Variants in ADK observed in about 807,000 individuals in gnomAD.
ADK encodes adenosine kinase, also known as N6,N6-dimethyladenosine kinase.
Under a neutral mutation model 44.7 loss-of-function variants are expected in ADK, and 24 were observed. The observed-to-expected ratio is 0.54, with a 90% confidence interval of 0.39 to 0.76. The LOEUF is 0.76. Among genes scored for constraint, ADK ranks in the 30% least tolerant of loss-of-function variants. The pLI is 0.00. For missense variants in ADK, 321 were observed against 425.1 expected, an observed-to-expected ratio of 0.76 and a Z score of 2.15; for synonymous variants, 128 against 142.6, an observed-to-expected ratio of 0.90 and a Z score of 0.73.
intron 1 of ADK, among the ~76,000 whole-genome samples, chr10:74,184,203 C>G (rs1026847697): frequency 6.6e-6 from 1 of 152,214 alleles, no homozygotes; most frequent in African/African-American, 2.4e-5. Context: ...CAGGTGTGAG[C>G]CACTGTGCCC....
At chr10:74,410,040 C>T (rs1844112746) in intron 6 of ADK, among the ~76,000 whole-genome samples, 1 of 152,096 alleles carries the variant, frequency 6.6e-6, no homozygotes, top group Non-Finnish European at 1.5e-5. Flanking sequence ...TAAGAAATCT[C>T]ATCTAAGAAA....
At chr10:74,203,951 CTTTTTTT>C (rs760810639) in intron 2 of ADK, among the ~76,000 whole-genome samples, 5 of 95,832 alleles carry the variant, frequency 5.2e-5, no homozygotes, top group Non-Finnish European at 6.2e-5. Flanking sequence ...TTATTTAGGT[CTTTTTTT>C]TTTTTTTTTT....
At chr10:74,291,920 C>T (rs1410435629) in intron 3 of ADK, among the ~76,000 whole-genome samples, 1 of 152,022 alleles carries the variant, frequency 6.6e-6, no homozygotes, top group South Asian at 2.1e-4. Context: ...AAAAGTGTAT[C>T]ATATTGTAAA....
intron 9 of ADK, among the ~76,000 whole-genome samples, chr10:74,632,399 T>C (rs1853473063): frequency 6.6e-6 from 1 of 152,206 alleles, no homozygotes; most frequent in Non-Finnish European, 1.5e-5. Flanking sequence ...AAATTTATTA[T>C]TTCACAGTTC....
At chr10:74,698,631 C>A (rs1248708639) in intron 10 of ADK, among the ~76,000 whole-genome samples, 3 of 152,200 alleles carry the variant, frequency 2.0e-5, no homozygotes, top group Non-Finnish European at 2.9e-5. Context: ...TGGCTCACTG[C>A]AGCCACAACC....
intron 6 of ADK, among the ~76,000 whole-genome samples, chr10:74,474,484 T>C (rs1349017071): frequency 6.6e-6 from 1 of 151,980 alleles, no homozygotes; most frequent in Non-Finnish European, 1.5e-5. Context: ...TTTCTTTTTC[T>C]CTCCCCCTTT....
At chr10:74,360,132 A>G (rs1322029163) in intron 4 of ADK, among the ~76,000 whole-genome samples, 1 of 152,160 alleles carries the variant, frequency 6.6e-6, no homozygotes, top group African/African-American at 2.4e-5. Flanking sequence ...CAGTTGGATG[A>G]AATGTTCTGT....
At chr10:74,620,141 T>C (rs1475845099) in intron 9 of ADK, among the ~76,000 whole-genome samples, 1 of 152,228 alleles carries the variant, frequency 6.6e-6, no homozygotes, top group Non-Finnish European at 1.5e-5. Flanking sequence ...TCCTTCTCAC[T>C]ATTTGAAACT....
chr10:74,612,772 A>G (rs745828710), intron 9 of ADK, among the ~76,000 whole-genome samples: 2 of 152,068 alleles, frequency 1.3e-5, no homozygotes, highest in Non-Finnish European at 2.9e-5. Flanking sequence ...TTTATGTGTA[A>G]GTCTTTAATC....
intron 2 of ADK, among the ~76,000 whole-genome samples, chr10:74,223,248 C>A (rs1591885835): frequency 2.0e-5 from 3 of 152,064 alleles, no homozygotes; most frequent in South Asian, 4.1e-4. Flanking sequence ...CTAATGGTAG[C>A]TCAGGTCTCT....
chr10:74,210,285 G>A (rs897687826), intron 2 of ADK, among the ~76,000 whole-genome samples: 14 of 135,210 alleles, frequency 1.0e-4, no homozygotes, highest in East Asian at 4.2e-4. Flanking sequence ...CCGAGATTGC[G>A]CCACTGCACT....
At chr10:74,318,971 A>G (rs1840722555) in intron 4 of ADK, among the ~76,000 whole-genome samples, 2 of 151,490 alleles carry the variant, frequency 1.3e-5, no homozygotes, top group South Asian at 2.1e-4. Flanking sequence ...CATCAGAGGT[A>G]TAAGTCACAG....
chr10:74,243,893 T>A (rs1254422510), intron 3 of ADK, among the ~76,000 whole-genome samples: 1 of 152,156 alleles, frequency 6.6e-6, no homozygotes, highest in East Asian at 1.9e-4. Flanking sequence ...GACCACACTA[T>A]CTTTTTTGAA....
At chr10:74,336,168 G>A (rs1176918539) in intron 4 of ADK, among the ~76,000 whole-genome samples, 1 of 151,846 alleles carries the variant, frequency 6.6e-6, no homozygotes, top group East Asian at 1.9e-4. Context: ...GATCCATTTT[G>A]AGTTAAGTTT....
intron 3 of ADK, among the ~76,000 whole-genome samples, chr10:74,244,609 T>C: frequency 6.6e-6 from 1 of 152,326 alleles, no homozygotes; most frequent in East Asian, 1.9e-4. Flanking sequence ...TTATTAGATA[T>C]GTGTTACCAA....
rs749849044 is a variant in ADK at position 74,394,121 on chromosome 10, T to G, written c.274-20T>G. The G allele has an allele frequency of 1.2e-6, 2 of 1,613,796 alleles. No individual in the cohort carries two copies. Among genetic ancestry groups the G allele is most frequent in the South Asian group, 2.2e-5 (2 of 91,070 alleles). On this transcript the variant is annotated intron_variant, in intron 4 of 10. Coordinates refer to ENST00000539909, the MANE Select transcript of ADK (RefSeq NM_006721.4). ...ACCATTTTTTTGCCCCATTAAATTA[T>G]TTATGTTCCTGTTTTACAGTGGATG...
At chr10:74,286,701 C>T (rs1194833754) in intron 3 of ADK, among the ~76,000 whole-genome samples, 1 of 152,178 alleles carries the variant, frequency 6.6e-6, no homozygotes, top group Non-Finnish European at 1.5e-5. Context: ...TGCCCCAGGG[C>T]AGGAGTATGG....
chr10:74,615,494 A>T (rs1443330774), intron 9 of ADK, among the ~76,000 whole-genome samples: 4 of 152,170 alleles, frequency 2.6e-5, no homozygotes, highest in Non-Finnish European at 4.4e-5. Flanking sequence ...ATTTGCAAGG[A>T]TGGTACCAAT....
At chr10:74,565,055 G>A (rs1850605009) in intron 7 of ADK, among the ~76,000 whole-genome samples, 1 of 152,026 alleles carries the variant, frequency 6.6e-6, no homozygotes, top group African/African-American at 2.4e-5. Flanking sequence ...TCCCTATTCT[G>A]TGCCCAAAGG....
Sources: allele counts gnomAD v4.1 joint callset (sites outside exome capture counted in the v4.1 genomes callset), GRCh38; gene constraint gnomAD v4.1.1; transcripts MANE v1.5; gene names NCBI Gene and HGNC (gene_info 2026-07-23, HGNC 2026-07-21).